CNTN5: variants seen among roughly 807,000 people sequenced by gnomAD.
CNTN5 encodes the protein contactin-5.
In CNTN5, 77 loss-of-function variants were observed where a neutral mutation model predicts 129.1. The observed-to-expected ratio is 0.60, with a 90% confidence interval of 0.50 to 0.72. The LOEUF is 0.72. Among genes scored for constraint, CNTN5 ranks in the 30% least tolerant of loss-of-function variants. The pLI is 0.00. For missense variants in CNTN5, 1,478 were observed against 1,328.8 expected (o/e 1.11, Z -1.75); for synonymous variants, 509 against 465.6 (o/e 1.09, Z -1.20).
chr11:99,338,349 G>A (rs188364507), intron 2 of CNTN5, among the ~76,000 whole-genome samples: 1 of 152,000 alleles, frequency 6.6e-6, no homozygotes, highest in Admixed American at 6.6e-5. Flanking sequence ...TTATTGAGGG[G>A]CATAATAAGA....
chr11:99,726,050 C>T (rs895663761), intron 3 of CNTN5, among the ~76,000 whole-genome samples: 1 of 152,214 alleles, frequency 6.6e-6, no homozygotes, highest in African/African-American at 2.4e-5. Flanking sequence ...ACTCCATGAG[C>T]CTCAAGGAAA....
intron 9 of CNTN5, among the ~76,000 whole-genome samples, chr11:100,050,969 T>C (rs1037675337): frequency 5.3e-5 from 8 of 152,156 alleles, no homozygotes; most frequent in Non-Finnish European, 1.2e-4. Context: ...TAACAGGAAA[T>C]TGATATTTTA....
At chr11:99,706,445 C>T (rs1407985267) in intron 3 of CNTN5, among the ~76,000 whole-genome samples, 1 of 151,350 alleles carries the variant, frequency 6.6e-6, no homozygotes, top group African/African-American at 2.4e-5. Context: ...AGCTTAATAG[C>T]TTTCTTATTC....
At chr11:99,726,103 T>C (rs897753932) in intron 3 of CNTN5, among the ~76,000 whole-genome samples, 1 of 152,180 alleles carries the variant, frequency 6.6e-6, no homozygotes, top group Admixed American at 6.5e-5. Context: ...GGATATGATG[T>C]CAGTGGTATC....
intron 6 of CNTN5, among the ~76,000 whole-genome samples, chr11:99,874,946 A>G (rs1372880954): frequency 6.6e-6 from 1 of 152,108 alleles, no homozygotes; most frequent in Non-Finnish European, 1.5e-5. Flanking sequence ...GTGTGCTGTG[A>G]CAAGCCACAA....
chr11:99,769,865 A>T (rs1450611063), intron 3 of CNTN5, among the ~76,000 whole-genome samples: 1 of 151,896 alleles, frequency 6.6e-6, no homozygotes, highest in Non-Finnish European at 1.5e-5. Context: ...TAATCAGCTC[A>T]AGTCTAATAT....
At chr11:100,223,658 G>T (rs1235565700) in intron 15 of CNTN5, among the ~76,000 whole-genome samples, 1 of 151,968 alleles carries the variant, frequency 6.6e-6, no homozygotes, top group Non-Finnish European at 1.5e-5. Flanking sequence ...TATTTCATGT[G>T]CTCAATTACT....
chr11:99,902,019 T>G (rs1375136270), intron 6 of CNTN5, among the ~76,000 whole-genome samples: 1 of 152,198 alleles, frequency 6.6e-6, no homozygotes, highest in African/African-American at 2.4e-5. Context: ...GTGGAAGAGA[T>G]GTAATTCAAA....
intron 1 of CNTN5, among the ~76,000 whole-genome samples, chr11:99,084,222 C>T (rs1865911709): frequency 6.6e-6 from 1 of 152,214 alleles, no homozygotes; most frequent in South Asian, 2.1e-4. Context: ...GTCTCCCCAA[C>T]TCAAGAACAA....
chr11:99,720,516 G>A (rs1306609795), intron 3 of CNTN5, among the ~76,000 whole-genome samples: 3 of 151,884 alleles, frequency 2.0e-5, no homozygotes, highest in African/African-American at 4.8e-5. Flanking sequence ...AACTCAAAAA[G>A]CCTTCTATGA....
At chr11:100,058,911 C>T (rs536047329) in intron 9 of CNTN5, among the ~76,000 whole-genome samples, 3 of 152,084 alleles carry the variant, frequency 2.0e-5, no homozygotes, top group Non-Finnish European at 4.4e-5. Context: ...GCATTTAGGA[C>T]AGGTCTCAGA....
chr11:99,142,164 T>C (rs1859549855), intron 1 of CNTN5, among the ~76,000 whole-genome samples: 1 of 152,062 alleles, frequency 6.6e-6, no homozygotes, highest in Non-Finnish European at 1.5e-5. Flanking sequence ...TCTGGCTTCT[T>C]GAGGGTAAGC....
At chr11:99,217,033 A>G (rs1350930982) in intron 1 of CNTN5, among the ~76,000 whole-genome samples, 3 of 152,146 alleles carry the variant, frequency 2.0e-5, no homozygotes, top group African/African-American at 7.2e-5. Context: ...ACATACAAAA[A>G]TTAGCCACGT....
chr11:99,402,559 C>G (rs7938058), intron 2 of CNTN5, among the ~76,000 whole-genome samples: 113,331 of 152,102 alleles, frequency 0.75, 43,068 homozygotes, highest in African/African-American at 0.9. Flanking sequence ...GTTTTTGTCT[C>G]ATTATGATAT....
intron 2 of CNTN5, among the ~76,000 whole-genome samples, chr11:99,499,908 C>T (rs771642848): frequency 6.6e-6 from 1 of 152,058 alleles, no homozygotes; most frequent in South Asian, 2.1e-4. Flanking sequence ...AAAAGTTAGA[C>T]TTACGTAAAA....
At chr11:100,229,218 A>T (rs970803075) in intron 16 of CNTN5, among the ~76,000 whole-genome samples, 1 of 151,994 alleles carries the variant, frequency 6.6e-6, no homozygotes, top group African/African-American at 2.4e-5. Flanking sequence ...CAAAATATTT[A>T]TTTTACCCCA....
At chr11:99,531,668 C>G (rs931716411) in intron 2 of CNTN5, among the ~76,000 whole-genome samples, 1 of 152,182 alleles carries the variant, frequency 6.6e-6, no homozygotes, top group Non-Finnish European at 1.5e-5. Flanking sequence ...GTGTCCCAAC[C>G]GTTCCAGCCG....
chr11:99,935,810 A>G (rs565724514), intron 7 of CNTN5, among the ~76,000 whole-genome samples: 2 of 152,168 alleles, frequency 1.3e-5, no homozygotes, highest in East Asian at 3.9e-4. Flanking sequence ...CTTTACTATT[A>G]CCCTTTGCTC....
intron 18 of CNTN5, among the ~76,000 whole-genome samples, chr11:100,296,174 G>A (rs2138878926): frequency 6.6e-6 from 1 of 151,510 alleles, no homozygotes; most frequent in South Asian, 2.1e-4. Flanking sequence ...AATAAATTTA[G>A]ACTAATACTA....
Sources: gnomAD v4.1 joint callset for allele counts (sites outside exome capture counted in the v4.1 genomes callset) on GRCh38, gnomAD v4.1.1 for gene constraint, MANE v1.5 for transcripts, NCBI Gene and HGNC (gene_info 2026-07-23, HGNC 2026-07-21) for gene names.